ELMO1: variants seen among roughly 807,000 people sequenced by gnomAD.
ELMO1 encodes engulfment and cell motility protein 1.
A neutral mutation model predicts 98.9 loss-of-function variants in ELMO1; 26 were observed. The observed-to-expected ratio is 0.26, with a 90% CI of 0.19 to 0.36. The LOEUF (loss-of-function observed/expected upper bound fraction) is 0.36, where lower values mean the gene tolerates loss of function less well. ELMO1 is among the 10% of genes least tolerant of loss of function. The probability of loss-of-function intolerance (pLI) is 1.00; values close to 1 mark genes in which losing one functional copy is unlikely to be tolerated. For missense variants in ELMO1, 627 were observed against 935.2 expected (o/e 0.67, Z 4.30); for synonymous variants, 346 against 346.0 (o/e 1.00, Z 0.00).
chr7:36,903,025 A>G (rs889841679), intron 16 of ELMO1, among the ~76,000 whole-genome samples: 4 of 151,912 alleles, frequency 2.6e-5, no homozygotes, highest in Admixed American at 2.6e-4. Context: ...ACCTGCTTAA[A>G]CCCTGCAGGG....
chr7:36,958,661 T>C (rs1009849746), intron 16 of ELMO1, among the ~76,000 whole-genome samples: 39 of 152,282 alleles, frequency 2.6e-4, no homozygotes, highest in Non-Finnish European at 5.1e-4. Flanking sequence ...CAGCTGATAA[T>C]GGCCTCTTCC....
intron 15 of ELMO1, chr7:37,013,638 G>C (rs781703219): frequency 3.6e-6 from 2 of 560,808 alleles, no homozygotes; most frequent in Non-Finnish European, 6.3e-6. Flanking sequence ...GTCAGACCTA[G>C]CCTTAGACAC....
At chr7:36,994,982 C>G (rs959603208) in intron 16 of ELMO1, among the ~76,000 whole-genome samples, 9 of 152,178 alleles carry the variant, frequency 5.9e-5, no homozygotes, top group African/African-American at 2.2e-4. Flanking sequence ...AAAGAAATTC[C>G]TCCTAGACTG....
rs539124594 is a variant in ELMO1 at position 37,080,470 on chromosome 7, C to T, written c.1300+16149G>A. Among the ~76,000 whole-genome samples the T allele has an allele frequency of 8.8e-5, 13 of 147,308 alleles. No individual in the cohort carries two copies. The South Asian group carries it at 2.8e-3, about 32-fold the overall frequency. On this transcript the variant is annotated intron_variant, in intron 15 of 21. Transcript: ENST00000310758. ...TTTTTTTTTTTGAGACAGAGTCTTG[C>T]TGTGTCACCCAGGCTGGAGTGCAGC... is the stretch of plus-strand genomic sequence containing the variant.
At chr7:37,317,094 A>C (rs966815704) in intron 2 of ELMO1, among the ~76,000 whole-genome samples, 1 of 152,128 alleles carries the variant, frequency 6.6e-6, no homozygotes, top group Non-Finnish European at 1.5e-5. Context: ...AGGGCAAAAG[A>C]CTTCAAAAAA....
At chr7:37,035,270 A>G (rs1380361833) in intron 15 of ELMO1, among the ~76,000 whole-genome samples, 1 of 152,238 alleles carries the variant, frequency 6.6e-6, no homozygotes, top group African/African-American at 2.4e-5. Flanking sequence ...TTCTAAAATT[A>G]TCCAACCATC....
chr7:36,970,139 AACAC>A (rs1789791630), intron 16 of ELMO1, among the ~76,000 whole-genome samples: 1 of 148,704 alleles, frequency 6.7e-6, no homozygotes, highest in Admixed American at 6.7e-5. Context: ...TATATATGTA[AACAC>A]ACACACAAAC....
chr7:36,979,973 G>T (rs1790908273), intron 16 of ELMO1, among the ~76,000 whole-genome samples: 1 of 152,196 alleles, frequency 6.6e-6, no homozygotes, highest in Non-Finnish European at 1.5e-5. Flanking sequence ...AAGTTGGAAA[G>T]AAACTTTATT....
At chr7:36,982,076 C>A (rs57599961) in intron 16 of ELMO1, among the ~76,000 whole-genome samples, 1 of 152,168 alleles carries the variant, frequency 6.6e-6, no homozygotes, top group African/African-American at 2.4e-5. Context: ...GACTGTGCAG[C>A]TGAATTGTAA....
At chr7:37,075,642 T>C (rs1433457211) in intron 15 of ELMO1, among the ~76,000 whole-genome samples, 1 of 152,164 alleles carries the variant, frequency 6.6e-6, no homozygotes, top group East Asian at 1.9e-4. Flanking sequence ...TGGCTCCTTC[T>C]TATATGCACA....
intron 13 of ELMO1, among the ~76,000 whole-genome samples, chr7:37,142,156 A>G (rs999594114): frequency 1.3e-5 from 2 of 152,258 alleles, no homozygotes; most frequent in Non-Finnish European, 2.9e-5. Flanking sequence ...CATGTCAAAT[A>G]CAGTGGGGTC....
intron 5 of ELMO1, among the ~76,000 whole-genome samples, chr7:37,263,680 G>A (rs534446415): frequency 6.6e-6 from 1 of 152,230 alleles, no homozygotes. Context: ...GGAATATTCT[G>A]GGCAGCATCA....
intron 15 of ELMO1, among the ~76,000 whole-genome samples, chr7:37,058,104 A>G (rs1796481247): frequency 6.6e-6 from 1 of 152,202 alleles, no homozygotes; most frequent in Admixed American, 6.5e-5. Flanking sequence ...ACACTCACAC[A>G]CAGTGTACAT....
chr7:36,883,355 G>C (rs1289379967), intron 18 of ELMO1, among the ~76,000 whole-genome samples: 1 of 152,196 alleles, frequency 6.6e-6, no homozygotes, highest in Non-Finnish European at 1.5e-5. Flanking sequence ...AGAGAAGTAG[G>C]GGGCAGTTCT....
At chr7:36,888,107 T>C (rs1241425353) in intron 17 of ELMO1, among the ~76,000 whole-genome samples, 13 of 152,170 alleles carry the variant, frequency 8.5e-5, no homozygotes, top group Admixed American at 8.5e-4. Flanking sequence ...AACCACACGA[T>C]TACTATTCCA....
rs188721730 is a variant in ELMO1, at chr7:36,857,444, A to G, written c.1984-1693T>C. Among the ~76,000 whole-genome samples, 7 of 152,252 alleles carry G rather than the reference A, an allele frequency of 4.6e-5. No homozygotes were observed. The East Asian group carries it at 1.4e-3, about 29-fold the overall frequency. On this transcript the variant is annotated intron_variant, in intron 21 of 21. Transcript: ENST00000310758. ...TTCTCAAAGGCCCCTTCCAGCTTTC[A>G]TGCTGTTTCATGGTAAATCCCCAAG... is the stretch of plus-strand genomic sequence containing the variant.
chr7:37,186,257 C>T lies in ELMO1; in HGVS notation c.1086+25129G>A, dbSNP rs1286635306. Reference sequence around the variant, plus strand: ...TAATGCTAGGAAAACTAGATATCCACATGCAAAAATGAAGTTGGACCCCTT... The same window carrying T: ...TAATGCTAGGAAAACTAGATATCCATATGCAAAAATGAAGTTGGACCCCTT... On this transcript the variant is annotated intron_variant, in intron 13 of 21. Coordinates refer to ENST00000310758, the MANE Select transcript of ELMO1 (RefSeq NM_014800.11). Among the ~76,000 whole-genome samples, 3 of 152,048 alleles carry T rather than the reference C, an allele frequency of 2.0e-5. No individual in the cohort carries two copies. In the East Asian group the frequency reaches 5.8e-4, roughly 29 times the overall value.
At chr7:37,240,979 T>A (rs982791612) in intron 7 of ELMO1, among the ~76,000 whole-genome samples, 5 of 152,154 alleles carry the variant, frequency 3.3e-5, no homozygotes, top group African/African-American at 1.2e-4. Flanking sequence ...GGCAAGACCT[T>A]TGATAGTGTT....
intron 14 of ELMO1, among the ~76,000 whole-genome samples, chr7:37,128,907 C>T (rs2541081): frequency 0.25 from 38,605 of 151,920 alleles, 6,458 homozygotes; most frequent in African/African-American, 0.48. Context: ...ACATTTAAGG[C>T]TGTACAATGT....
Sources: gnomAD v4.1 joint callset for allele counts (sites outside exome capture counted in the v4.1 genomes callset) on GRCh38, gnomAD v4.1.1 for gene constraint, MANE v1.5 for transcripts, NCBI Gene and HGNC (gene_info 2026-07-23, HGNC 2026-07-21) for gene names.